The following TMEM132D variants were observed in gnomAD, a reference collection of about 807,000 sequenced individuals.
The protein encoded by TMEM132D is transmembrane protein 132D.
A neutral mutation model predicts 62.3 loss-of-function variants in TMEM132D; 21 were observed. The ratio of observed to expected loss-of-function variants is 0.34; its 90% CI spans 0.24 to 0.49. The LOEUF is 0.49. Among genes scored for constraint, TMEM132D ranks in the 20% least tolerant of loss-of-function variants. The probability of loss-of-function intolerance (pLI) is 0.99; values close to 1 mark genes in which losing one functional copy is unlikely to be tolerated. For missense variants in TMEM132D, 1,346 were observed against 1,402.8 expected (o/e 0.96, Z 0.65); for synonymous variants, 621 against 575.6 (o/e 1.08, Z -1.13).
At chr12:129,115,900 T>C (rs1381573907) in intron 5 of TMEM132D, among the ~76,000 whole-genome samples, 1 of 152,260 alleles carries the variant, frequency 6.6e-6, no homozygotes, top group Non-Finnish European at 1.5e-5. Flanking sequence ...TACAGCCTTC[T>C]TGAGGACATG....
intron 5 of TMEM132D, among the ~76,000 whole-genome samples, chr12:129,183,166 G>T (rs1304340206): frequency 6.6e-6 from 1 of 152,206 alleles, no homozygotes; most frequent in African/African-American, 2.4e-5. Context: ...CAAGACCAGG[G>T]TCAATATAAA....
At chr12:129,455,593 C>A (rs919721189) in intron 3 of TMEM132D, among the ~76,000 whole-genome samples, 18 of 152,102 alleles carry the variant, frequency 1.2e-4, no homozygotes, top group African/African-American at 4.1e-4. Flanking sequence ...AGGAGGGCAC[C>A]ATTTCACTGG....
At chr12:129,433,454 G>C (rs746476134) in intron 3 of TMEM132D, among the ~76,000 whole-genome samples, 1 of 152,050 alleles carries the variant, frequency 6.6e-6, no homozygotes, top group South Asian at 2.1e-4. Flanking sequence ...TCCCCTCATT[G>C]CTTTCTTTTC....
chr12:129,649,392 T>C (rs116806608), intron 2 of TMEM132D, among the ~76,000 whole-genome samples: 1 of 152,066 alleles, frequency 6.6e-6, no homozygotes, highest in Non-Finnish European at 1.5e-5. Flanking sequence ...TAAATACAGA[T>C]GTAACCTCAA....
chr12:129,401,232 C>T (rs1262478834), intron 3 of TMEM132D, among the ~76,000 whole-genome samples: 1 of 152,188 alleles, frequency 6.6e-6, no homozygotes, highest in Non-Finnish European at 1.5e-5. Flanking sequence ...ATAAACGCAA[C>T]AGTTACAGGA....
chr12:129,171,863 G>A (rs1001407614), intron 5 of TMEM132D, among the ~76,000 whole-genome samples: 12 of 152,200 alleles, frequency 7.9e-5, no homozygotes, highest in African/African-American at 2.9e-4. Flanking sequence ...AGTAGATTTA[G>A]CATAACTCTT....
At chr12:129,514,611 T>C (rs890905099) in intron 3 of TMEM132D, among the ~76,000 whole-genome samples, 2 of 152,220 alleles carry the variant, frequency 1.3e-5, no homozygotes, top group Admixed American at 6.5e-5. Flanking sequence ...GGACTGTTCA[T>C]TCATCCCGAA....
rs150935932 is a variant in TMEM132D at position 129,729,723 on chromosome 12, G to A, written c.80-29025C>T. Reference sequence around the variant, plus strand: ...AGCTATGACTTTGAGTTGTGTTACAGTTTACAAGGAAGTTGGTTAGGGTGT... The same window carrying A: ...AGCTATGACTTTGAGTTGTGTTACAATTTACAAGGAAGTTGGTTAGGGTGT... On this transcript the variant is annotated intron_variant, in intron 1 of 8. Coordinates refer to ENST00000422113, the MANE Select transcript of TMEM132D (RefSeq NM_133448.3). Among the ~76,000 whole-genome samples, 25 of 152,246 alleles carry A rather than the reference G, an allele frequency of 1.6e-4. 1 individual carries two copies. The East Asian group carries it at 4.4e-3, about 27-fold the overall frequency.
chr12:129,295,631 T>C (rs1881556317), intron 4 of TMEM132D, among the ~76,000 whole-genome samples: 1 of 151,930 alleles, frequency 6.6e-6, no homozygotes, highest in South Asian at 2.1e-4. Context: ...ATTAGTTTTG[T>C]ACACACACTC....
chr12:129,269,970 G>A (rs7133595), intron 4 of TMEM132D, among the ~76,000 whole-genome samples: 62,634 of 151,954 alleles, frequency 0.41, 13,145 homozygotes, highest in Admixed American at 0.49. Context: ...CCATCTGATG[G>A]GTGAGTGACA....
chr12:129,621,934 C>T (rs373889334), intron 2 of TMEM132D, among the ~76,000 whole-genome samples: 5 of 152,244 alleles, frequency 3.3e-5, no homozygotes, highest in East Asian at 1.9e-4. Context: ...CTTCCTGTTA[C>T]GTCTATGCTA....
intron 3 of TMEM132D, among the ~76,000 whole-genome samples, chr12:129,374,261 T>G (rs887290105): frequency 1.7e-5 from 1 of 58,640 alleles, no homozygotes; most frequent in Non-Finnish European, 3.6e-5. Context: ...CACTGTAACC[T>G]CACACATCAG....
chr12:129,376,282 A>AGCATGGTT (rs1410585168), intron 3 of TMEM132D, among the ~76,000 whole-genome samples: 1 of 152,210 alleles, frequency 6.6e-6, no homozygotes, highest in African/African-American at 2.4e-5. Flanking sequence ...CTCACAGTTC[A>AGCATGGTT]GCATGGTTGG....
chr12:129,747,775 C>A (rs371503448), intron 1 of TMEM132D, among the ~76,000 whole-genome samples: 4 of 150,820 alleles, frequency 2.7e-5, no homozygotes, highest in South Asian at 2.1e-4. Context: ...ACACACTCAA[C>A]ACATTCACAC....
At chr12:129,712,298 G>A (rs561015563) in intron 1 of TMEM132D, among the ~76,000 whole-genome samples, 1 of 152,068 alleles carries the variant, frequency 6.6e-6, no homozygotes, top group Admixed American at 6.5e-5. Flanking sequence ...CTAATTTTTT[G>A]TATTTTTAGT....
intron 1 of TMEM132D, among the ~76,000 whole-genome samples, chr12:129,736,542 A>G (rs868521462): frequency 1.4e-4 from 21 of 152,184 alleles, no homozygotes; most frequent in African/African-American, 5.1e-4. Flanking sequence ...GAAGGTCGGC[A>G]GCTGAACGTG....
At chr12:129,665,924 A>G (rs915265398) in intron 2 of TMEM132D, among the ~76,000 whole-genome samples, 1 of 152,164 alleles carries the variant, frequency 6.6e-6, no homozygotes, top group African/African-American at 2.4e-5. Context: ...CTAGTTTACA[A>G]TTGGGAAGCC....
chr12:129,376,195 G>T (rs1439914498), intron 3 of TMEM132D, among the ~76,000 whole-genome samples: 2 of 152,196 alleles, frequency 1.3e-5, no homozygotes, highest in Non-Finnish European at 2.9e-5. Context: ...CATGGGCTCT[G>T]TATTAGTCCA....
At chr12:129,254,180 A>C (rs1482531954) in intron 4 of TMEM132D, among the ~76,000 whole-genome samples, 1 of 152,168 alleles carries the variant, frequency 6.6e-6, no homozygotes, top group Non-Finnish European at 1.5e-5. Flanking sequence ...AAATTGAAAG[A>C]ATACATCGGA....
Sources: gnomAD v4.1 joint callset for allele counts (sites outside exome capture counted in the v4.1 genomes callset) on GRCh38, gnomAD v4.1.1 for gene constraint, MANE v1.5 for transcripts, NCBI Gene and HGNC (gene_info 2026-07-23, HGNC 2026-07-21) for gene names.